The following HS3ST2 variants were observed in gnomAD, a reference collection of about 807,000 sequenced individuals.
HS3ST2 encodes the protein heparan sulfate-glucosamine 3-sulfotransferase 2, also known as heparan sulfate glucosamine 3-O-sulfotransferase 2.
HS3ST2 carries 17 observed loss-of-function variants against 26.3 expected under a neutral mutation model. The observed-to-expected ratio is 0.65, with a 90% CI of 0.44 to 0.97. HS3ST2 has a LOEUF of 0.97. Ranked by LOEUF, HS3ST2 falls within the 50% of genes least tolerant of loss-of-function variation. The pLI, the probability that HS3ST2 is intolerant of heterozygous loss-of-function variation, is 0.00. For missense variants in HS3ST2, 402 were observed against 501.2 expected, an observed-to-expected ratio of 0.80 and a Z score of 1.89; for synonymous variants, 237 against 219.2, an observed-to-expected ratio of 1.08 and a Z score of -0.72.
intron 1 of HS3ST2, among the ~76,000 whole-genome samples, chr16:22,912,114 ACT>A (rs767325913): frequency 2.6e-5 from 4 of 152,138 alleles, no homozygotes; most frequent in East Asian, 3.9e-4. Context: ...ACAGCATAAG[ACT>A]CTGTCACGCA....
At chr16:22,837,259 G>A (rs1285209734) in intron 1 of HS3ST2, among the ~76,000 whole-genome samples, 1 of 151,702 alleles carries the variant, frequency 6.6e-6, no homozygotes, top group Non-Finnish European at 1.5e-5. Flanking sequence ...ATTCTCCCAT[G>A]TGTGAAGTAG....
Position 22,915,739 on chromosome 16 carries a change from G to C in HS3ST2, c.*177G>C. On this transcript the variant is annotated 3_prime_UTR_variant, in exon 2 of 2. Transcript: ENST00000261374. ...AAAGCCAAGAGACCAGAGAGTCCCT[G>C]CCACTAGTTTTCATCAGTCTGTTCA... is the stretch of plus-strand genomic sequence containing the variant. 1 of 656,862 alleles carries C rather than the reference G, an allele frequency of 1.5e-6. No individual in the cohort carries two copies. The allele number at this position is 656,862 out of a possible 1,614,324, so 40.7% of individuals were successfully genotyped here. A position where few individuals can be genotyped will look rare whatever the true frequency, so the allele number is the denominator to read the frequency against.
chr16:22,855,222 T>C (rs936229876), intron 1 of HS3ST2, among the ~76,000 whole-genome samples: 15 of 152,110 alleles, frequency 9.9e-5, no homozygotes, highest in Admixed American at 1.3e-4. Context: ...AGAGTTCTAT[T>C]TGGGTCTGGC....
chr16:22,901,636 T>C (rs1242580651), intron 1 of HS3ST2, among the ~76,000 whole-genome samples: 2 of 152,166 alleles, frequency 1.3e-5, no homozygotes, highest in Non-Finnish European at 2.9e-5. Flanking sequence ...ACCAAAGAAA[T>C]TGAAGTCCAA....
intron 1 of HS3ST2, among the ~76,000 whole-genome samples, chr16:22,897,010 T>A (rs1266745960): frequency 6.6e-6 from 1 of 151,918 alleles, no homozygotes; most frequent in Admixed American, 6.6e-5. Context: ...GGTTTCACCA[T>A]GTTGCCCAGG....
rs1364934176 is a variant in HS3ST2, at chr16:22,827,457, G to T, written c.485+12362G>T. Among the ~76,000 whole-genome samples, 3 of 152,176 alleles carry T rather than the reference G, an allele frequency of 2.0e-5. No homozygotes were observed. The East Asian group carries it at 5.8e-4, about 29-fold the overall frequency. ...CAGTAAGGATGGAAGGAGGAAAACT[G>T]GCTAGGGGGCTGTTGCAAAAGTGGT... On this transcript the variant is annotated intron_variant, in intron 1 of 1. Coordinates refer to ENST00000261374, the MANE Select transcript of HS3ST2 (RefSeq NM_006043.2).
intron 1 of HS3ST2, among the ~76,000 whole-genome samples, chr16:22,889,133 T>C (rs1473652948): frequency 6.6e-6 from 1 of 152,130 alleles, no homozygotes; most frequent in Non-Finnish European, 1.5e-5. Context: ...CAGAAGTGTC[T>C]ACCTAAAAAT....
chr16:22,868,945 A>C (rs1303566481), intron 1 of HS3ST2, among the ~76,000 whole-genome samples: 1 of 152,068 alleles, frequency 6.6e-6, no homozygotes, highest in Admixed American at 6.6e-5. Context: ...AGGAGGCTCC[A>C]CTGGTAGAGT....
At chr16:22,868,668 C>T (rs139769523) in intron 1 of HS3ST2, among the ~76,000 whole-genome samples, 189 of 152,146 alleles carry the variant, frequency 1.2e-3, no homozygotes, top group Non-Finnish European at 2.4e-3. Flanking sequence ...CATCCATGAC[C>T]GTGCTCTATC....
chr16:22,838,637 C>G (rs1356051345), intron 1 of HS3ST2, among the ~76,000 whole-genome samples: 1 of 152,078 alleles, frequency 6.6e-6, no homozygotes, highest in Non-Finnish European at 1.5e-5. Context: ...GCTTCTGGAG[C>G]TGCATTTATG....
At chr16:22,839,223 A>G (rs1234023679) in intron 1 of HS3ST2, among the ~76,000 whole-genome samples, 1 of 152,254 alleles carries the variant, frequency 6.6e-6, no homozygotes, top group Non-Finnish European at 1.5e-5. Flanking sequence ...GAATGAGGGT[A>G]TGCACCAGAC....
At chr16:22,855,001 CTT>C (rs1373890832) in intron 1 of HS3ST2, among the ~76,000 whole-genome samples, 5 of 152,156 alleles carry the variant, frequency 3.3e-5, no homozygotes, top group African/African-American at 1.2e-4. Context: ...ACTTTAATCT[CTT>C]TTCTTCTCAA....
At chr16:22,893,522 G>T (rs545928650) in intron 1 of HS3ST2, among the ~76,000 whole-genome samples, 4 of 151,814 alleles carry the variant, frequency 2.6e-5, no homozygotes, top group African/African-American at 9.7e-5. Flanking sequence ...AATGTGTAGA[G>T]ATGATAATTT....
chr16:22,824,890 C>T (rs1419446763), intron 1 of HS3ST2, among the ~76,000 whole-genome samples: 1 of 152,014 alleles, frequency 6.6e-6, no homozygotes, highest in Non-Finnish European at 1.5e-5. Flanking sequence ...GGTGAAGGAA[C>T]CCCAGATCAA....
chr16:22,867,957 T>C (rs1220130818), intron 1 of HS3ST2, among the ~76,000 whole-genome samples: 1 of 152,192 alleles, frequency 6.6e-6, no homozygotes, highest in Admixed American at 6.5e-5. Flanking sequence ...ATTAAGTAAA[T>C]GGATGTAAAC....
intron 1 of HS3ST2, among the ~76,000 whole-genome samples, chr16:22,879,899 A>T (rs1901964939): frequency 6.6e-6 from 1 of 152,172 alleles, no homozygotes; most frequent in South Asian, 2.1e-4. Context: ...CCCAGACTGG[A>T]CACAGGGGCT....
intron 1 of HS3ST2, among the ~76,000 whole-genome samples, chr16:22,910,322 T>C (rs1013845591): frequency 6.6e-6 from 1 of 152,216 alleles, no homozygotes; most frequent in Non-Finnish European, 1.5e-5. Context: ...TCAATTTCCT[T>C]GTGCCAGGGA....
At chr16:22,891,391 A>G (rs1408193516) in intron 1 of HS3ST2, among the ~76,000 whole-genome samples, 2 of 152,292 alleles carry the variant, frequency 1.3e-5, no homozygotes, top group African/African-American at 4.8e-5. Flanking sequence ...TGAGGCTCAG[A>G]CTGAGGTTAA....
rs749505611 is a variant in HS3ST2, at chr16:22,814,752, C to G, written c.142C>G (p.Arg48Gly). The G allele has an allele frequency of 2.1e-5, 34 of 1,607,748 alleles. No homozygotes were observed. The highest frequency in any genetic ancestry group is 2.9e-5 in the Non-Finnish European group (34 of 1,178,122). The change falls in exon 1 of 2, where the codon CGC (arginine) becomes GGC (glycine). Residue 48 changes from arginine to glycine, a missense_variant. Transcript: ENST00000261374. ...CTGCTGCGACGACCTGGGTCGGAGC[C>G]GCCTCCTCGGCGCGCCTCGCTGCCT... Reference protein sequence around the residue: ...LCCCDDLGRSRLLGAPRCLRG... With the variant: ...LCCCDDLGRSGLLGAPRCLRG...
Sources: gnomAD v4.1 joint callset for allele counts (sites outside exome capture counted in the v4.1 genomes callset) on GRCh38, gnomAD v4.1.1 for gene constraint, MANE v1.5 for transcripts, NCBI Gene and HGNC (gene_info 2026-07-23, HGNC 2026-07-21) for gene names.